PCDHA2: variants seen among roughly 807,000 people sequenced by gnomAD.
The protein encoded by PCDHA2 is protocadherin alpha-2.
In PCDHA2, 58 loss-of-function variants were observed where a neutral mutation model predicts 66.0. That is an observed-to-expected ratio of 0.88 (90% CI 0.71 to 1.09). The LOEUF (loss-of-function observed/expected upper bound fraction) is 1.09. PCDHA2 is among the 50% of genes least tolerant of loss of function. PCDHA2 has a pLI of 0.00. For missense variants in PCDHA2, 1,267 were observed against 1,242.3 expected (o/e 1.02, Z -0.30); for synonymous variants, 634 against 554.0 (o/e 1.14, Z -2.03).
intron 3 of PCDHA2, among the ~76,000 whole-genome samples, chr5:141,000,417 A>ATT (rs1563652061): frequency 3.2e-4 from 25 of 77,724 alleles, no homozygotes; most frequent in African/African-American, 1.1e-3. Context: ...ATATATATAT[A>ATT]TATATTTTTT....
chr5:140,823,814 G>A (rs782047530), intron 1 of PCDHA2: 1 of 1,613,762 alleles, frequency 6.2e-7, no homozygotes, highest in Middle Eastern at 1.7e-4. Flanking sequence ...GCCTCATCGC[G>A]GGCGTCGGCG....
intron 1 of PCDHA2, chr5:140,843,343 G>C: frequency 6.3e-7 from 1 of 1,596,112 alleles, no homozygotes; most frequent in Non-Finnish European, 8.6e-7. Flanking sequence ...AGAGCGGCCA[G>C]GCTCCAAAAG....
chr5:140,876,674 A>T (rs782568001), intron 1 of PCDHA2: 38 of 1,614,024 alleles, frequency 2.4e-5, no homozygotes, highest in Non-Finnish European at 3.1e-5. Flanking sequence ...GTGTCCACCT[A>T]CAAGAATTAC....
At position 140,928,355 on chromosome 5, in the gene PCDHA2, T is replaced by C. The variant is rs368876306; in HGVS notation, c.2389-50594T>C. On this transcript the variant is annotated intron_variant, in intron 1 of 3. Coordinates refer to ENST00000526136, the MANE Select transcript of PCDHA2 (RefSeq NM_018905.3). ...GTCTCTTATGAGCTGTTGGATGTTA[T>C]CTCTGAAGGGCCATCAGCCTCTAGC... 8.1e-6 allele frequency: 13 copies of C among 1,614,062 alleles called. No individual in the cohort carries two copies. The African/African-American group carries it at 1.6e-4, about 20-fold the overall frequency.
intron 1 of PCDHA2, chr5:140,805,484 C>G: frequency 2.0e-6 from 2 of 993,630 alleles, no homozygotes; most frequent in Non-Finnish European, 2.4e-6. Flanking sequence ...AGAGAGGGAG[C>G]GTAAAGCTAT....
At chr5:140,843,746 T>C (rs1554140400) in intron 1 of PCDHA2, 6 of 1,531,640 alleles carry the variant, frequency 3.9e-6, no homozygotes, top group Non-Finnish European at 5.4e-6. Context: ...AACTCATAAA[T>C]TCTATTTGTG....
intron 1 of PCDHA2, among the ~76,000 whole-genome samples, chr5:140,798,774 G>A (rs1762360991): frequency 6.6e-6 from 1 of 152,118 alleles, no homozygotes; most frequent in Admixed American, 6.5e-5. Flanking sequence ...AACTCGACAA[G>A]TAAATGTTAC....
intron 1 of PCDHA2, chr5:140,815,136 A>G (rs2126661786): frequency 6.6e-5 from 10 of 152,148 alleles, no homozygotes; most frequent in Admixed American, 2.6e-4. Context: ...AAAAAAATCA[A>G]TTCAACCACT....
At chr5:140,822,112 C>T in intron 1 of PCDHA2, 1 of 1,614,250 alleles carries the variant, frequency 6.2e-7, no homozygotes, top group Non-Finnish European at 8.5e-7. Flanking sequence ...GGACAGGCCG[C>T]TGCAGGTTTT....
chr5:140,941,193 TTC>T (rs1491512649), intron 1 of PCDHA2, among the ~76,000 whole-genome samples: 2 of 116,638 alleles, frequency 1.7e-5, no homozygotes, highest in Admixed American at 1.7e-4. Flanking sequence ...TTCTTTTTTT[TTC>T]TTTCTTCCTT....
chr5:140,938,908 C>A (rs1213664574), intron 1 of PCDHA2, among the ~76,000 whole-genome samples: 1 of 152,074 alleles, frequency 6.6e-6, no homozygotes, highest in Non-Finnish European at 1.5e-5. Flanking sequence ...CACACACACA[C>A]ACGCACAAGA....
In PCDHA2 at chr5:140,794,891, T is replaced by G. The variant is rs1210802187; in HGVS notation, c.-74T>G. On this transcript the variant is annotated 5_prime_UTR_variant, in exon 1 of 4. Coordinates refer to ENST00000526136, the MANE Select transcript of PCDHA2 (RefSeq NM_018905.3). ...GAGGAATAAGAGAAGCAGCAGGACT[T>G]TAACAGAGACTAGAATATTTAAATT... 4 of 1,468,412 alleles carry G rather than the reference T, an allele frequency of 2.7e-6. No homozygotes were observed. Among genetic ancestry groups the G allele is most frequent in the Non-Finnish European group, 3.7e-6 (4 of 1,086,860 alleles). The allele number at this position is 1,468,412 out of a possible 1,614,324, so 91.0% of individuals were successfully genotyped here. A position where few individuals can be genotyped will look rare whatever the true frequency, so the allele number is the denominator to read the frequency against.
At chr5:140,920,131 T>G (rs1207723509) in intron 1 of PCDHA2, among the ~76,000 whole-genome samples, 1 of 152,202 alleles carries the variant, frequency 6.6e-6, no homozygotes, top group Non-Finnish European at 1.5e-5. Context: ...TGAGTTTTAA[T>G]TCTCCTCTCC....
At chr5:140,957,641 T>G (rs1554223056) in intron 1 of PCDHA2, among the ~76,000 whole-genome samples, 1 of 152,110 alleles carries the variant, frequency 6.6e-6, no homozygotes, top group African/African-American at 2.4e-5. Flanking sequence ...AGAAATGCAC[T>G]TAAATATTCA....
chr5:140,868,978 C>T, intron 1 of PCDHA2: 2 of 1,484,292 alleles, frequency 1.3e-6, no homozygotes, highest in Non-Finnish European at 1.8e-6. Context: ...CTCCATCATA[C>T]CGGATGCCAC....
intron 1 of PCDHA2, chr5:140,968,152 C>T (rs782362724): frequency 6.2e-7 from 1 of 1,614,172 alleles, no homozygotes; most frequent in South Asian, 1.1e-5. Context: ...TCTCTGACAT[C>T]AATGACAATC....
Position 140,842,613 on chromosome 5 carries a change from G to T in PCDHA2, c.2388+45261G>T, listed in dbSNP as rs782736515. On this transcript the variant is annotated intron_variant, in intron 1 of 3. Transcript: ENST00000526136. ...TTGGTGGTAACCGCGCGGGACGGGG[G>T]CTCGCCTTCGCTGTGGGCCACCGCC... 3.1e-6 allele frequency: 5 copies of T among 1,595,814 alleles called. 1 individual carries two copies. The highest frequency in any genetic ancestry group is 4.3e-6 in the Non-Finnish European group (5 of 1,165,648).
At chr5:140,895,099 T>C (rs558310890) in intron 1 of PCDHA2, among the ~76,000 whole-genome samples, 1 of 152,326 alleles carries the variant, frequency 6.6e-6, no homozygotes, top group East Asian at 1.9e-4. Flanking sequence ...ATAGGGGTTT[T>C]TGCTACAAGA....
intron 1 of PCDHA2, chr5:140,875,805 C>A: frequency 6.2e-7 from 1 of 1,614,172 alleles, no homozygotes; most frequent in Non-Finnish European, 8.5e-7. Context: ...TGATCGTGGA[C>A]AGGCCGCTGC....
Sources: allele counts gnomAD v4.1 joint callset (sites outside exome capture counted in the v4.1 genomes callset), GRCh38; gene constraint gnomAD v4.1.1; transcripts MANE v1.5; gene names NCBI Gene and HGNC (gene_info 2026-07-23, HGNC 2026-07-21).